The following FAM161B variants were observed in gnomAD, a reference collection of about 807,000 sequenced individuals.
FAM161B encodes the protein FAM161 centrosomal protein B.
Under a neutral mutation model 61.5 loss-of-function variants are expected in FAM161B, and 46 were observed. The ratio of observed to expected loss-of-function variants is 0.75; its 90% confidence interval spans 0.59 to 0.96. FAM161B has a LOEUF of 0.96. Ranked by LOEUF, FAM161B falls within the 40% of genes least tolerant of loss-of-function variation. The pLI is 0.00. For missense variants in FAM161B, 774 were observed against 800.7 expected (o/e 0.97, Z 0.40); for synonymous variants, 284 against 302.7 (o/e 0.94, Z 0.64).
chr14:73,931,964 T>G, downstream of FAM161B: 1 of 456,802 alleles, frequency 2.2e-6, no homozygotes, highest in Non-Finnish European at 4.4e-6. Context: ...ACCAGGAAGT[T>G]GAGTTTTCAA....
Position 73,949,836 on chromosome 14 carries a change from C to T in FAM161B, c.54+137G>A, listed in dbSNP as rs186064034. The T allele has an allele frequency of 3.6e-5, 45 of 1,264,482 alleles. No homozygotes were observed. The South Asian group carries it at 5.7e-4, about 16-fold the overall frequency. 78.3% of individuals were successfully genotyped at this position (1,264,482 alleles called of 1,614,324 possible). A position where few individuals can be genotyped will look rare whatever the true frequency, so the allele number is the denominator to read the frequency against. On this transcript the variant is annotated intron_variant, in intron 1 of 8. Transcript: ENST00000286544. ...AGGTTCAGGTCTGTAAGTCAGAGTCCGCCTCCTGGTCCCTAAACGCTCATT... is the reference window on the plus strand; with the variant it reads ...AGGTTCAGGTCTGTAAGTCAGAGTCTGCCTCCTGGTCCCTAAACGCTCATT...
intron 7 of FAM161B, among the ~76,000 whole-genome samples, chr14:73,937,385 T>C (rs1391209427): frequency 1.3e-5 from 2 of 152,148 alleles, no homozygotes; most frequent in Non-Finnish European, 2.9e-5. Flanking sequence ...AAGTGAAATA[T>C]CCCTTTATCG....
downstream of FAM161B, among the ~76,000 whole-genome samples, chr14:73,928,881 C>T (rs970272843): frequency 3.3e-5 from 5 of 152,132 alleles, no homozygotes; most frequent in African/African-American, 4.8e-5. Flanking sequence ...CCCAGGAGTT[C>T]GAGGCTGCAG....
chr14:73,942,394 T>G lies in FAM161B; in HGVS notation c.1247A>C (p.Asp416Ala). The change falls in exon 4 of 9, where the codon GAT becomes GCT. Residue 416 changes from aspartate to alanine, a missense_variant. By Grantham distance (126) the Asp-to-Ala change is moderately radical. Coordinates refer to ENST00000286544, the MANE Select transcript of FAM161B (RefSeq NM_152445.3). Reference sequence around the variant, plus strand: ...CTGCCTCCTTCCGGTGGTGGCAGCATCACAGGGCCGCTGAGGGTGGCGCAG... The same window carrying G: ...CTGCCTCCTTCCGGTGGTGGCAGCAGCACAGGGCCGCTGAGGGTGGCGCAG... ...ANLRHPQRPC[D>A]AATTGRRQDS... 6.2e-7 allele frequency: 1 copy of G among 1,614,084 alleles called. No homozygotes were observed. Among genetic ancestry groups the G allele is most frequent in the Non-Finnish European group, 8.5e-7 (1 of 1,180,002 alleles).
chr14:73,938,756 T>A (rs1293903018), intron 5 of FAM161B, among the ~76,000 whole-genome samples: 2 of 151,756 alleles, frequency 1.3e-5, no homozygotes, highest in Admixed American at 6.6e-5. Context: ...TGGGCGACAG[T>A]GAGAGACTCC....
At chr14:73,929,593 T>C (rs1015353667), downstream of FAM161B, among the ~76,000 whole-genome samples, 17 of 152,020 alleles carry the variant, frequency 1.1e-4, no homozygotes, top group African/African-American at 3.6e-4. Flanking sequence ...GGCTAGCACT[T>C]TGGGAGGCTG....
At chr14:73,935,495 C>G (rs1053331446) in intron 8 of FAM161B, among the ~76,000 whole-genome samples, 2 of 150,634 alleles carry the variant, frequency 1.3e-5, no homozygotes, top group African/African-American at 4.9e-5. Context: ...CGCCACTGCA[C>G]TCCAGCCTGG....
At chr14:73,923,442 G>A in the FAM161B span, 17 of 1,613,956 alleles carry the variant, frequency 1.1e-5, no homozygotes, top group Non-Finnish European at 1.4e-5. Flanking sequence ...AGTGCCTGAT[G>A]TGACACATCA....
At chr14:73,949,054 G>T (rs2056098509) in intron 1 of FAM161B, among the ~76,000 whole-genome samples, 1 of 152,124 alleles carries the variant, frequency 6.6e-6, no homozygotes, top group South Asian at 2.1e-4. Flanking sequence ...GAGTAGCTAG[G>T]ACTACAGGCG....
chr14:73,923,665 G>T, the FAM161B span: 1 of 1,124,790 alleles, frequency 8.9e-7, no homozygotes, highest in Admixed American at 2.3e-5. Context: ...CATGAGTTCA[G>T]CTTGAAAGGA....
At chr14:73,929,821 A>AG (rs1157617569), downstream of FAM161B, among the ~76,000 whole-genome samples, 1 of 152,078 alleles carries the variant, frequency 6.6e-6, no homozygotes, top group Non-Finnish European at 1.5e-5. Context: ...TTTAAAAAAA[A>AG]AAAAGAAGAA....
chr14:73,934,554 A>G (rs1043027674), intron 8 of FAM161B, among the ~76,000 whole-genome samples, 160 bp from the exon 9 acceptor site: 6 of 151,802 alleles, frequency 4.0e-5, no homozygotes, highest in African/African-American at 1.2e-4. Flanking sequence ...CTCCCACCTT[A>G]GCTTCCCAAG....
chr14:73,923,348 A>G, the FAM161B span: 4 of 1,594,680 alleles, frequency 2.5e-6, no homozygotes, highest in African/African-American at 4.0e-5. Context: ...AGATAGGTGT[A>G]TCTCTGGATT....
rs779578513 is a variant in FAM161B, at chr14:73,942,415, C to T, written c.1226G>A (p.Arg409His). 8.1e-6 allele frequency: 13 copies of T among 1,614,030 alleles called. No homozygotes were observed. The highest frequency in any genetic ancestry group is 2.2e-5 in the South Asian group (2 of 91,084). The change falls in exon 4 of 9, where the codon CGC becomes CAC. Residue 409 changes from arginine to histidine, a missense_variant. Coordinates refer to ENST00000286544, the MANE Select transcript of FAM161B (RefSeq NM_152445.3). ...AGCATCACAGGGCCGCTGAGGGTGG[C>T]GCAGGTTGGCGGTCCTCAGCAAGAA... ...KPFLLRTANL[R>H]HPQRPCDAAT...
chr14:73,940,576 C>T (rs2056009345), intron 5 of FAM161B, among the ~76,000 whole-genome samples: 1 of 152,132 alleles, frequency 6.6e-6, no homozygotes, highest in African/African-American at 2.4e-5. Flanking sequence ...GCCCAGTGCC[C>T]TCACAGTCCC....
rs2055940408 is a variant in FAM161B at position 73,933,231 on chromosome 14, C to A, written c.*1025G>T. On this transcript the variant is annotated 3_prime_UTR_variant, in exon 9 of 9. Coordinates refer to ENST00000286544, the MANE Select transcript of FAM161B (RefSeq NM_152445.3). ...GGTTCTCAGCCAGGCACATTTTTGCCCCCTGGGGATATGCAATATCTGGAG... is the reference window on the plus strand; with the variant it reads ...GGTTCTCAGCCAGGCACATTTTTGCACCCTGGGGATATGCAATATCTGGAG... 1 of 152,150 alleles carries A rather than the reference C, an allele frequency of 6.6e-6. No homozygotes were observed. Among genetic ancestry groups the A allele is most frequent in the Non-Finnish European group, 1.5e-5 (1 of 68,018 alleles). 9.4% of individuals were successfully genotyped at this position (152,150 alleles called of 1,614,324 possible).
At chr14:73,923,397 G>A in the FAM161B span, 1 of 1,612,714 alleles carries the variant, frequency 6.2e-7, no homozygotes, top group Non-Finnish European at 8.5e-7. Flanking sequence ...CTTCACAGAG[G>A]TGCTTGCTGA....
At chr14:73,938,349 C>T (rs2055988609) in intron 5 of FAM161B, among the ~76,000 whole-genome samples, 1 of 152,064 alleles carries the variant, frequency 6.6e-6, no homozygotes, top group Non-Finnish European at 1.5e-5. Context: ...ATCCCAACTA[C>T]TCGGGAGGCT....
intron 8 of FAM161B, among the ~76,000 whole-genome samples, chr14:73,935,358 T>C (rs774672197): frequency 5.9e-5 from 9 of 152,076 alleles, no homozygotes; most frequent in Non-Finnish European, 1.3e-4. Context: ...AAACCCCGTC[T>C]CTACTAAAAA....
Sources: allele counts gnomAD v4.1 joint callset (sites outside exome capture counted in the v4.1 genomes callset), GRCh38; gene constraint gnomAD v4.1.1; transcripts MANE v1.5; gene names NCBI Gene and HGNC (gene_info 2026-07-23, HGNC 2026-07-21).